Variants in CELF1 observed in about 807,000 individuals in gnomAD.
CELF1 encodes CUGBP Elav-like family member 1.
In CELF1, 10 loss-of-function variants were observed where a neutral mutation model predicts 61.8. That is an observed-to-expected ratio of 0.16 (90% CI 0.10 to 0.27). CELF1 has a LOEUF of 0.27. Among genes scored for constraint, CELF1 ranks in the 10% least tolerant of loss-of-function variants. CELF1 has a pLI of 1.00. For synonymous variants in CELF1, 236 were observed against 225.1 expected (o/e 1.05, Z -0.43); for missense variants, 380 against 639.1 (o/e 0.59, Z 4.37).
intron 1 of CELF1, among the ~76,000 whole-genome samples, chr11:47,517,896 G>A (rs916565952): frequency 6.6e-6 from 1 of 151,880 alleles, no homozygotes; most frequent in African/African-American, 2.4e-5. Flanking sequence ...TTAGGTGATC[G>A]ACCTGAAGTG....
intron 3 of CELF1, among the ~76,000 whole-genome samples, chr11:47,491,425 C>T (rs1342160284): frequency 6.6e-6 from 1 of 152,338 alleles, no homozygotes; most frequent in East Asian, 1.9e-4. Flanking sequence ...CTCCCAAGTG[C>T]TGGGATTACA....
At chr11:47,531,156 A>G (rs2153690214) in intron 1 of CELF1, among the ~76,000 whole-genome samples, 1 of 152,290 alleles carries the variant, frequency 6.6e-6, no homozygotes, top group Non-Finnish European at 1.5e-5. Context: ...CTGAGGCACA[A>G]GAATCACTTG....
At chr11:47,550,856 T>G (rs1341840651) in intron 1 of CELF1, among the ~76,000 whole-genome samples, 1 of 152,188 alleles carries the variant, frequency 6.6e-6, no homozygotes, top group East Asian at 1.9e-4. Flanking sequence ...ATGCTGTTTC[T>G]TTCATTTTGC....
chr11:47,509,813 G>A (rs1008098798), intron 1 of CELF1, among the ~76,000 whole-genome samples: 7 of 151,514 alleles, frequency 4.6e-5, no homozygotes, highest in Non-Finnish European at 1.0e-4. Context: ...GGTCACTTGA[G>A]GTCAGGAATT....
intron 6 of CELF1, among the ~76,000 whole-genome samples, chr11:47,485,306 G>A (rs139315236): frequency 2.0e-3 from 298 of 152,134 alleles, no homozygotes; most frequent in African/African-American, 7.0e-3. Context: ...TCAGCTTCCC[G>A]AATAGCTGGG....
chr11:47,565,433 C>A, exon 1 of CELF1: 1 of 431,750 alleles, frequency 2.3e-6, no homozygotes, highest in Non-Finnish European at 3.6e-6. Flanking sequence ...GTCCCTCCTC[C>A]GAGGCCGCCG....
At chr11:47,530,376 G>C (rs1216418021) in intron 1 of CELF1, among the ~76,000 whole-genome samples, 1 of 152,166 alleles carries the variant, frequency 6.6e-6, no homozygotes, top group East Asian at 1.9e-4. Context: ...CTCCCACTGT[G>C]AATCAACCTG....
rs1337245505 is a variant in CELF1 at position 47,484,513 on chromosome 11, G to A, written c.402C>T (p.Asp134=). 4 of 1,610,326 alleles carry A rather than the reference G, an allele frequency of 2.5e-6. No homozygotes were observed. The highest frequency in any genetic ancestry group is 1.3e-5 in the African/African-American group (1 of 74,622). ...ADSEKNNAVE[D]RKLFIGMISK... Reference sequence around the variant, plus strand: ...AAATCATACCAATAAACAGCTTCCTGTCTTCCACTGCTAAGAGAGTAAAAC... The same window carrying A: ...AAATCATACCAATAAACAGCTTCCTATCTTCCACTGCTAAGAGAGTAAAAC... Residue 134 remains aspartate, a synonymous_variant, in exon 7 of 15, where the codon GAC becomes GAT. Coordinates refer to ENST00000687097, the MANE Select transcript of CELF1 (RefSeq NM_001376376.1).
chr11:47,540,569 T>G (rs2153721567), intron 1 of CELF1, among the ~76,000 whole-genome samples: 1 of 152,240 alleles, frequency 6.6e-6, no homozygotes, highest in Admixed American at 6.5e-5. Context: ...CCCACGAGAC[T>G]CTTGCTCAGA....
intron 1 of CELF1, among the ~76,000 whole-genome samples, chr11:47,521,843 A>G (rs2095912040): frequency 6.6e-6 from 1 of 152,208 alleles, no homozygotes; most frequent in Non-Finnish European, 1.5e-5. Context: ...CAAAGACAAC[A>G]GGTTCATCTG....
At chr11:47,534,152 C>T (rs891362875) in intron 1 of CELF1, among the ~76,000 whole-genome samples, 8 of 150,194 alleles carry the variant, frequency 5.3e-5, no homozygotes, top group East Asian at 2.0e-4. Flanking sequence ...CCTCAGCCTC[C>T]GAAGTAGCTG....
At chr11:47,533,422 G>A (rs1453930021) in intron 1 of CELF1, among the ~76,000 whole-genome samples, 1 of 152,036 alleles carries the variant, frequency 6.6e-6, no homozygotes, top group Non-Finnish European at 1.5e-5. Context: ...AGGAGTTCAC[G>A]ACCAGCCTGG....
intron 3 of CELF1, among the ~76,000 whole-genome samples, chr11:47,489,955 T>TTTTTTTTTTTTTTTTTTTTTA (rs71042675): frequency 7.1e-6 from 1 of 141,372 alleles, no homozygotes; most frequent in Admixed American, 7.3e-5. Context: ...TTTTTTTTTT[T>TTTTTTTTTTTTTTTTTTTTTA]GAGACGGAAT....
chr11:47,478,769 T>C, intron 10 of CELF1, 108 bp downstream of exon 10: 1 of 874,042 alleles, frequency 1.1e-6, no homozygotes, highest in South Asian at 1.4e-5. Flanking sequence ...GTTTACATAA[T>C]AAGCAAAAAA....
chr11:47,492,205 C>A (rs533923824), intron 3 of CELF1, among the ~76,000 whole-genome samples: 1 of 152,170 alleles, frequency 6.6e-6, no homozygotes, highest in Non-Finnish European at 1.5e-5. Flanking sequence ...GTCTGAAACT[C>A]CTGGGCTCAA....
chr11:47,490,048 C>G (rs931720498), intron 3 of CELF1, among the ~76,000 whole-genome samples: 1 of 148,132 alleles, frequency 6.8e-6, no homozygotes, highest in Non-Finnish European at 1.5e-5. Context: ...AAGAGATTCT[C>G]CTGCCTCAGC....
At chr11:47,512,372 C>T (rs559450434) in intron 1 of CELF1, among the ~76,000 whole-genome samples, 2 of 151,452 alleles carry the variant, frequency 1.3e-5, no homozygotes, top group Admixed American at 6.6e-5. Context: ...CCAGGATAGT[C>T]CTGATCTCCT....
At chr11:47,495,942 C>A (rs2093006914) in intron 3 of CELF1, 1 of 981,158 alleles carries the variant, frequency 1.0e-6, no homozygotes, top group African/African-American at 1.8e-5. Context: ...CAGATACTTA[C>A]CAATCCCTCC....
At chr11:47,547,946 TCA>T (rs1013900514) in intron 1 of CELF1, among the ~76,000 whole-genome samples, 6 of 152,090 alleles carry the variant, frequency 3.9e-5, no homozygotes, top group African/African-American at 1.4e-4. Flanking sequence ...TTTGGAAAGA[TCA>T]CAGTGATGAT....
Sources: gnomAD v4.1 joint callset for allele counts (sites outside exome capture counted in the v4.1 genomes callset) on GRCh38, gnomAD v4.1.1 for gene constraint, MANE v1.5 for transcripts, NCBI Gene and HGNC (gene_info 2026-07-23, HGNC 2026-07-21) for gene names.